Variants in OFD1 observed in about 807,000 individuals in gnomAD.
OFD1 encodes OFD1 centriole and centriolar satellite protein.
A neutral mutation model predicts 81.4 loss-of-function variants in OFD1; 12 were observed. The ratio of observed to expected loss-of-function variants is 0.15; its 90% CI spans 0.09 to 0.24. The LOEUF (loss-of-function observed/expected upper bound fraction) is 0.24. Ranked by LOEUF, OFD1 falls within the 10% of genes least tolerant of loss-of-function variation. OFD1 has a pLI of 1.00. For missense variants in OFD1, 685 were observed against 733.9 expected, an observed-to-expected ratio of 0.93 and a Z score of 0.77; for synonymous variants, 256 against 263.7, an observed-to-expected ratio of 0.97 and a Z score of 0.28.
chrX:13,738,104 C>T (rs983885165), intron 3 of OFD1, among the ~76,000 whole-genome samples: 1 of 112,265 alleles, frequency 8.9e-6, no homozygotes, highest in African/African-American at 3.2e-5. Context: ...CCACCTCAAT[C>T]TCCCAAAGAG....
At chrX:13,729,168 C>G in the OFD1 span, among the ~76,000 whole-genome samples, 1 of 111,695 alleles carries the variant, frequency 9.0e-6, no homozygotes, top group Non-Finnish European at 1.9e-5. Context: ...AATGGCCATA[C>G]TGCCCAAGGG....
In OFD1 at chrX:13,735,304, A is replaced by G. The variant is rs1060503868; in HGVS notation, c.69A>G (p.Leu23=). The change falls in exon 2 of 23, where the codon CTA becomes CTG. Residue 23 remains leucine, a synonymous_variant. Transcript: ENST00000340096. ...GTCAAGATGAACTGCGCAAAAAGCT[A>G]TACCAGACGTTTAAGGATCGGGGTA... ...VLSQDELRKK[L]YQTFKDRGIL... 1.7e-5 allele frequency: 20 copies of G among 1,209,866 alleles called. No homozygotes were observed. The highest frequency in any genetic ancestry group is 2.2e-5 in the Non-Finnish European group (20 of 894,701).
At chrX:13,732,559 C>G (rs1449696559), upstream of OFD1, among the ~76,000 whole-genome samples, 2 of 112,602 alleles carry the variant, frequency 1.8e-5, no homozygotes, top group Non-Finnish European at 1.9e-5. Flanking sequence ...TCCATGTCTG[C>G]TATGAATTTG....
the OFD1 span, among the ~76,000 whole-genome samples, chrX:13,718,682 G>C: frequency 8.9e-6 from 1 of 112,228 alleles, no homozygotes; most frequent in African/African-American, 3.2e-5. Flanking sequence ...ATCTTATTTT[G>C]GTGGCAAGGC....
At chrX:13,722,684 G>A in the OFD1 span, among the ~76,000 whole-genome samples, 1 of 111,733 alleles carries the variant, frequency 8.9e-6, no homozygotes, top group Non-Finnish European at 1.9e-5. Flanking sequence ...AGGATTCTGC[G>A]CTGTCCAATC....
At position 13,758,355 on chromosome X, in the gene OFD1, C is replaced by T; in HGVS notation, c.1561C>T (p.Leu521=). The part of the protein sequence containing the change: ...LQDEIEHSAQ[L]KAQILGYKAS... Reference sequence around the variant, plus strand: ...TTTTCAGATTGAGCATTCTGCACAGCTGAAGGCCCAGATTCTAGGTTACAA... The same window carrying T: ...TTTTCAGATTGAGCATTCTGCACAGTTGAAGGCCCAGATTCTAGGTTACAA... Residue 521 remains leucine (L), a synonymous_variant, in exon 15 of 23, where the codon CTG becomes TTG. Transcript: ENST00000340096. 1 of 1,201,738 alleles carries T rather than the reference C, an allele frequency of 8.3e-7. No homozygotes were observed. The highest frequency in any genetic ancestry group is 1.1e-6 in the Non-Finnish European group (1 of 886,900).
At chrX:13,741,305 A>G (rs773387719) in intron 5 of OFD1, among the ~76,000 whole-genome samples, 5 of 112,015 alleles carry the variant, frequency 4.5e-5, no homozygotes, top group African/African-American at 1.6e-4. Flanking sequence ...CAAAATTTGG[A>G]TAGAACTCTT....
At chrX:13,719,852 C>G in the OFD1 span, 1 of 1,077,711 alleles carries the variant, frequency 9.3e-7, no homozygotes, top group Non-Finnish European at 1.3e-6. Flanking sequence ...ATTACAATAG[C>G]ATAAAAATTC....
downstream of OFD1, chrX:13,772,981 G>T: frequency 8.3e-7 from 1 of 1,208,988 alleles, no homozygotes; most frequent in Non-Finnish European, 1.1e-6. Flanking sequence ...CATTTTGCTC[G>T]CATCCTTTAA....
At chrX:13,745,630 T>G (rs2047263832) in intron 6 of OFD1, among the ~76,000 whole-genome samples, 1 of 112,151 alleles carries the variant, frequency 8.9e-6, no homozygotes, top group African/African-American at 3.2e-5. Flanking sequence ...TTAATCTACT[T>G]CTGCCAGCCT....
chrX:13,742,025 A>C (rs2047125354), intron 5 of OFD1, among the ~76,000 whole-genome samples: 1 of 112,226 alleles, frequency 8.9e-6, no homozygotes, highest in African/African-American at 3.2e-5. Flanking sequence ...CAATATCCAG[A>C]AAATGATGTG....
At chrX:13,756,816 T>C in intron 13 of OFD1, 49 bp downstream of exon 13, 1 of 925,769 alleles carries the variant, frequency 1.1e-6, no homozygotes, top group Non-Finnish European at 1.6e-6. Context: ...TAATTCGCAT[T>C]AGGTCAGTAT....
At chrX:13,715,177 A>G in the OFD1 span, among the ~76,000 whole-genome samples, 11 of 113,217 alleles carry the variant, frequency 9.7e-5, no homozygotes, top group East Asian at 3.0e-3. Flanking sequence ...TATTTAAATT[A>G]TTAAAAACAT....
chrX:13,717,051 A>C, the OFD1 span, among the ~76,000 whole-genome samples: 12 of 104,962 alleles, frequency 1.1e-4, no homozygotes, highest in South Asian at 4.3e-4. Context: ...AAAAAAAAAA[A>C]AAAAAAAAAA....
At chrX:13,760,959 C>A in intron 16 of OFD1, 126 bp from the exon 17 acceptor site, 1 of 876,783 alleles carries the variant, frequency 1.1e-6, no homozygotes, top group Non-Finnish European at 1.7e-6. Flanking sequence ...GGATCTTATG[C>A]ATCATAATTG....
rs767642179 is a variant in OFD1 at position 13,740,300 on chromosome X, G to A, written c.412+1268G>A. The A allele has an allele frequency of 3.5e-5, 18 of 509,524 alleles. No homozygotes were observed. The African/African-American group carries it at 3.9e-4, about 11-fold the overall frequency. 42.0% of individuals were successfully genotyped at this position (509,524 alleles called of 1,213,427 possible). On this transcript the variant is annotated intron_variant, in intron 5 of 22. Transcript: ENST00000340096. The stretch of plus-strand genomic sequence containing the variant: ...AATGTCTGTGTCTATGCTGTTTAAT[G>A]TGGTAGCTGCTATCCTCATGTGGCT...
intron 5 of OFD1, chrX:13,740,118 C>G: frequency 1.0e-6 from 1 of 966,052 alleles, no homozygotes; most frequent in Non-Finnish European, 1.3e-6. Flanking sequence ...ATCGCCAAGT[C>G]TCTTGGTAGT....
Position 13,746,310 on chromosome X carries a change from T to G in OFD1, c.518-9T>G. The G allele has an allele frequency of 8.3e-7, 1 of 1,206,282 alleles. No homozygotes were observed. The highest frequency in any genetic ancestry group is 1.1e-6 in the Non-Finnish European group (1 of 891,607). ...CTATGTCCTAATTTGATGTGTTATT[T>G]TTTAATAGCTGAGAAGCTTCAGCTT... On this transcript the variant is annotated splice_polypyrimidine_tract_variant and intron_variant, in intron 6 of 22. Coordinates refer to ENST00000340096, the MANE Select transcript of OFD1 (RefSeq NM_003611.3).
At chrX:13,728,475 C>T in the OFD1 span, among the ~76,000 whole-genome samples, 11 of 111,968 alleles carry the variant, frequency 9.8e-5, no homozygotes, top group Non-Finnish European at 1.7e-4. Context: ...TAATCCATCA[C>T]ATAAACAGAA....
Sources: allele counts gnomAD v4.1 joint callset (sites outside exome capture counted in the v4.1 genomes callset), GRCh38; gene constraint gnomAD v4.1.1; transcripts MANE v1.5; gene names NCBI Gene and HGNC (gene_info 2026-07-23, HGNC 2026-07-21).